The following KANSL1L variants were observed in gnomAD, a reference collection of about 807,000 sequenced individuals.
KANSL1L encodes KAT8 regulatory NSL complex subunit 1 like.
In KANSL1L, 25 loss-of-function variants were observed where a neutral mutation model predicts 108.6. The observed-to-expected ratio is 0.23, with a 90% CI of 0.17 to 0.32. The LOEUF (loss-of-function observed/expected upper bound fraction) is 0.32, where lower values mean the gene tolerates loss of function less well. KANSL1L is among the 10% of genes least tolerant of loss of function. The pLI is 1.00. For synonymous variants in KANSL1L, 405 were observed against 395.1 expected, an observed-to-expected ratio of 1.03 and a Z score of -0.30; for missense variants, 1,137 against 1,125.7, an observed-to-expected ratio of 1.01 and a Z score of -0.14.
Position 210,022,688 on chromosome 2 carries a change from T to G in KANSL1L, c.*261A>C, listed in dbSNP as rs1389766787. ...CCCAGTAATGTGATTTGACATCAAG[T>G]TGCAGCAATTAATATCTTGGTGTTT... On this transcript the variant is annotated 3_prime_UTR_variant, in exon 15 of 15. Transcript: ENST00000281772. 9 of 420,086 alleles carry G rather than the reference T, an allele frequency of 2.1e-5. No homozygotes were observed. Among genetic ancestry groups the G allele is most frequent in the Non-Finnish European group, 3.9e-5 (9 of 231,176 alleles). 26.0% of individuals were successfully genotyped at this position (420,086 alleles called of 1,614,324 possible). A position where few individuals can be genotyped will look rare whatever the true frequency, so the allele number is the denominator to read the frequency against.
At chr2:210,098,746 C>T (rs2094763480) in intron 4 of KANSL1L, among the ~76,000 whole-genome samples, 1 of 151,920 alleles carries the variant, frequency 6.6e-6, no homozygotes. Flanking sequence ...TGAAATAGAA[C>T]TAGGATTCAA....
intron 12 of KANSL1L, 101 bp downstream of exon 12, chr2:210,027,195 G>A: frequency 1.4e-6 from 1 of 727,708 alleles, no homozygotes; most frequent in East Asian, 2.5e-5. Context: ...ATCAGTGTAA[G>A]TTAAAGGGCT....
intron 6 of KANSL1L, among the ~76,000 whole-genome samples, chr2:210,048,681 G>C (rs538823569): frequency 1.3e-5 from 2 of 151,128 alleles, no homozygotes; most frequent in South Asian, 4.2e-4. Flanking sequence ...GTTTTTGTTT[G>C]TTCATTTCTA....
intron 3 of KANSL1L, among the ~76,000 whole-genome samples, chr2:210,124,512 G>A (rs924139311): frequency 1.3e-5 from 2 of 151,868 alleles, no homozygotes; most frequent in Admixed American, 6.6e-5. Context: ...TAAGGGGGGA[G>A]TTTATAGTTA....
intron 5 of KANSL1L, among the ~76,000 whole-genome samples, chr2:210,078,937 ATC>A (rs1182916104): frequency 6.6e-6 from 1 of 152,294 alleles, no homozygotes; most frequent in East Asian, 1.9e-4. Context: ...AATAAGGTTT[ATC>A]TCTTTTTAAA....
At chr2:210,102,721 C>T (rs2094806585) in intron 4 of KANSL1L, among the ~76,000 whole-genome samples, 1 of 152,150 alleles carries the variant, frequency 6.6e-6, no homozygotes, top group African/African-American at 2.4e-5. Flanking sequence ...AAAAAATGCT[C>T]ATCATCACTG....
rs573034135 is a variant in KANSL1L at position 210,104,172 on chromosome 2, C to A, written c.1360G>T (p.Val454Leu). Residue 454 changes from valine to leucine, a missense_variant, in exon 4 of 15, where the codon GTA becomes TTA. Transcript: ENST00000281772. ...PQVPQECQDPVPEQDFEMSPS... is the reference protein window; with the variant it reads ...PQVPQECQDPLPEQDFEMSPS... ...GACATTTCAAAATCTTGTTCCGGTA[C>A]AGGATCTTGACACTCCTGGGGAACC... 6.2e-7 allele frequency: 1 copy of A among 1,613,992 alleles called. No individual in the cohort carries two copies. The highest frequency in any genetic ancestry group is 8.5e-7 in the Non-Finnish European group (1 of 1,179,910).
intron 8 of KANSL1L, among the ~76,000 whole-genome samples, chr2:210,034,910 AATCCCCCAAATGTTAAC>A (rs1303453201): frequency 1.3e-5 from 2 of 152,188 alleles, no homozygotes; most frequent in African/African-American, 4.8e-5. Flanking sequence ...CCTTTTCTGA[AATCCCCCAAATGTTAAC>A]ATCGTATCAC....
At chr2:210,043,879 G>C (rs1456531413) in intron 7 of KANSL1L, 60 bp downstream of exon 7, 1 of 1,135,670 alleles carries the variant, frequency 8.8e-7, no homozygotes, top group East Asian at 2.6e-5. Flanking sequence ...TCTGTATTTA[G>C]AGGATTAGAT....
Position 210,025,144 on chromosome 2 carries a change from A to G in KANSL1L, c.2524T>C (p.Ser842Pro). The change falls in exon 13 of 15, where the codon TCA becomes CCA. Residue 842 changes from serine to proline, a missense_variant. Transcript: ENST00000281772. Reference sequence around the variant, plus strand: ...TGCCACTTGCTTTGCTCCCATAGTGACCACCTGGCTTGCTCTCTCTCTTCA... The same window carrying G: ...TGCCACTTGCTTTGCTCCCATAGTGGCCACCTGGCTTGCTCTCTCTCTTCA... ...KYEEREQARW[S>P]LWEQSKWHRR... The G allele has an allele frequency of 1.9e-6, 3 of 1,613,596 alleles. No individual in the cohort carries two copies. Among genetic ancestry groups the G allele is most frequent in the Non-Finnish European group, 2.5e-6 (3 of 1,179,546 alleles).
intron 1 of KANSL1L, among the ~76,000 whole-genome samples, chr2:210,169,792 A>G (rs1688220708): frequency 6.6e-6 from 1 of 152,204 alleles, no homozygotes. Context: ...TTTTAAAGAT[A>G]CTCAAATATA....
chr2:210,041,411 C>T (rs1343901551), intron 7 of KANSL1L, among the ~76,000 whole-genome samples: 1 of 151,892 alleles, frequency 6.6e-6, no homozygotes, highest in Admixed American at 6.6e-5. Context: ...GAGGATAGAC[C>T]CAGAAAGGGC....
rs772710827 is a variant in KANSL1L at position 210,066,314 on chromosome 2, G to A, written c.1755+9238C>T. 1.1e-3 allele frequency among the ~76,000 whole-genome samples: 171 copies of A among 152,272 alleles called. 2 individuals are homozygous for A. The highest frequency in any genetic ancestry group is 7.9e-4 in the Non-Finnish European group (54 of 68,020). On this transcript the variant is annotated intron_variant, in intron 6 of 14. Transcript: ENST00000281772. ...TGTAGGAGAGACCTTAGGCAAGGCT[G>A]AAGAATAACTACTTAGGTAATCCAC...
intron 9 of KANSL1L, chr2:210,030,933 C>T (rs1318782224): frequency 1.3e-5 from 2 of 151,978 alleles, no homozygotes; most frequent in African/African-American, 4.8e-5. Flanking sequence ...TTAAGTGAAA[C>T]ATTTTATATC....
At chr2:210,074,358 A>C (rs2094528005) in intron 6 of KANSL1L, among the ~76,000 whole-genome samples, 1 of 152,082 alleles carries the variant, frequency 6.6e-6, no homozygotes, top group Non-Finnish European at 1.5e-5. Flanking sequence ...GTCTTTACTG[A>C]CTTCTGGCTC....
intron 3 of KANSL1L, among the ~76,000 whole-genome samples, chr2:210,120,756 G>C (rs2095009613): frequency 1.3e-5 from 2 of 152,030 alleles, no homozygotes; most frequent in Non-Finnish European, 2.9e-5. Flanking sequence ...ATCTGACAAA[G>C]GTCTAATATT....
intron 3 of KANSL1L, among the ~76,000 whole-genome samples, chr2:210,106,538 G>A (rs1364287275): frequency 5.3e-5 from 8 of 151,958 alleles, no homozygotes; most frequent in Admixed American, 5.2e-4. Context: ...GGAGGGTGAG[G>A]CAGGTGGATC....
intron 1 of KANSL1L, among the ~76,000 whole-genome samples, chr2:210,163,325 T>TA (rs1326458191): frequency 6.6e-6 from 1 of 152,154 alleles, no homozygotes; most frequent in African/African-American, 2.4e-5. Context: ...AAAAAGAGAA[T>TA]AAAAATGAAA....
At chr2:210,172,160 T>G (rs1688374476), upstream of KANSL1L, among the ~76,000 whole-genome samples, 1 of 152,152 alleles carries the variant, frequency 6.6e-6, no homozygotes. Flanking sequence ...GTCTTGCACC[T>G]GGCCCCGCGA....
Sources: gnomAD v4.1 joint callset for allele counts (sites outside exome capture counted in the v4.1 genomes callset) on GRCh38, gnomAD v4.1.1 for gene constraint, MANE v1.5 for transcripts, NCBI Gene and HGNC (gene_info 2026-07-23, HGNC 2026-07-21) for gene names.